Variants in DOCK3 observed in about 807,000 individuals in gnomAD.
DOCK3 encodes dedicator of cytokinesis 3.
DOCK3 carries 60 observed loss-of-function variants against 265.6 expected under a neutral mutation model. The observed-to-expected ratio is 0.23, with a 90% CI of 0.18 to 0.28. DOCK3 has a LOEUF of 0.28. Among genes scored for constraint, DOCK3 ranks in the 10% least tolerant of loss-of-function variants. DOCK3 has a pLI of 1.00. For synonymous variants in DOCK3, 881 were observed against 938.0 expected, an observed-to-expected ratio of 0.94 and a Z score of 1.11; for missense variants, 1,981 against 2,594.3, an observed-to-expected ratio of 0.76 and a Z score of 5.14.
At chr3:50,730,927 G>C (rs1191930081) in intron 1 of DOCK3, among the ~76,000 whole-genome samples, 2 of 151,888 alleles carry the variant, frequency 1.3e-5, no homozygotes, top group Admixed American at 6.6e-5. Flanking sequence ...CCAGGAGATC[G>C]AGACCATCCT....
At chr3:50,744,547 C>T (rs1404132728) in intron 1 of DOCK3, among the ~76,000 whole-genome samples, 1 of 151,976 alleles carries the variant, frequency 6.6e-6, no homozygotes, top group Non-Finnish European at 1.5e-5. Context: ...TTATCCTCCA[C>T]CTCAGTCTCC....
In DOCK3 at chr3:51,220,687, ATGTGTGTGTG is replaced by A. The variant is rs760900578; in HGVS notation, c.1253-4948_1253-4939del. Among the ~76,000 whole-genome samples, 9 of 67,590 alleles carry A rather than the reference ATGTGTGTGTG, an allele frequency of 1.3e-4. No homozygotes were observed. The East Asian group carries it at 3.6e-3, about 27-fold the overall frequency. 44.3% of individuals were successfully genotyped at this position (67,590 alleles called of 152,430 possible). ...AAAAAAAAAATATATATATATATAT[ATGTGTGTGTG>A]TGTGTGTGTGTGTATATATATATAT... On this transcript the variant is annotated intron_variant, in intron 14 of 52. Transcript: ENST00000266037.
chr3:50,718,857 T>A (rs2037295727), intron 1 of DOCK3, among the ~76,000 whole-genome samples: 1 of 149,764 alleles, frequency 6.7e-6, no homozygotes, highest in South Asian at 2.1e-4. Context: ...CGATCTCGGC[T>A]CACTTGTGCT....
intron 2 of DOCK3, among the ~76,000 whole-genome samples, chr3:50,792,864 A>T (rs2042551625): frequency 6.6e-6 from 1 of 152,188 alleles, no homozygotes; most frequent in Admixed American, 6.5e-5. Flanking sequence ...ACTGATGTTC[A>T]TTGAGGATAT....
At chr3:50,902,338 A>G (rs2049242763) in intron 4 of DOCK3, among the ~76,000 whole-genome samples, 1 of 152,164 alleles carries the variant, frequency 6.6e-6, no homozygotes, top group African/African-American at 2.4e-5. Context: ...TAAGTCTTTA[A>G]TCCATCTTGA....
At chr3:51,012,253 T>A (rs1339308617) in intron 5 of DOCK3, among the ~76,000 whole-genome samples, 2 of 151,884 alleles carry the variant, frequency 1.3e-5, no homozygotes, top group Non-Finnish European at 2.9e-5. Context: ...AGAGGTGGAG[T>A]CTACAGAGGC....
At chr3:50,728,177 A>G (rs1441023364) in intron 1 of DOCK3, among the ~76,000 whole-genome samples, 1 of 152,196 alleles carries the variant, frequency 6.6e-6, no homozygotes, top group Non-Finnish European at 1.5e-5. Flanking sequence ...ACTTCTAAGT[A>G]ACCCAGGGCC....
At chr3:51,009,574 G>T (rs2078855901) in intron 5 of DOCK3, among the ~76,000 whole-genome samples, 1 of 151,984 alleles carries the variant, frequency 6.6e-6, no homozygotes, top group Non-Finnish European at 1.5e-5. Flanking sequence ...ACCAGCTCCT[G>T]GATTCATTGA....
intron 3 of DOCK3, among the ~76,000 whole-genome samples, chr3:50,866,477 C>CTT (rs35832182): frequency 7.1e-6 from 1 of 141,496 alleles, no homozygotes; most frequent in Non-Finnish European, 1.5e-5. Context: ...AAGCGAGACT[C>CTT]TTTTTTTTTT....
intron 3 of DOCK3, among the ~76,000 whole-genome samples, chr3:50,879,180 A>G (rs2047889011): frequency 1.3e-5 from 2 of 152,262 alleles, no homozygotes; most frequent in South Asian, 4.1e-4. Context: ...AAACATGCCA[A>G]ATTGTAAAGA....
At chr3:51,365,282 A>C (rs1020849164) in intron 49 of DOCK3, among the ~76,000 whole-genome samples, 45 of 152,120 alleles carry the variant, frequency 3.0e-4, no homozygotes, top group African/African-American at 6.3e-4. Context: ...ATTTGGCTCT[A>C]TGTTTGTCTG....
At chr3:50,865,523 G>A (rs1206789301) in intron 3 of DOCK3, among the ~76,000 whole-genome samples, 11 of 152,146 alleles carry the variant, frequency 7.2e-5, no homozygotes, top group African/African-American at 2.7e-4. Context: ...TTGTATATGT[G>A]TACCACATTT....
intron 5 of DOCK3, among the ~76,000 whole-genome samples, chr3:50,996,094 G>A (rs1305547349): frequency 6.0e-5 from 9 of 151,162 alleles, no homozygotes; most frequent in South Asian, 2.1e-4. Context: ...GGCTGGTCTC[G>A]AACTCCTGAC....
At chr3:50,804,147 C>T (rs1306653522) in intron 2 of DOCK3, among the ~76,000 whole-genome samples, 7 of 148,854 alleles carry the variant, frequency 4.7e-5, no homozygotes, top group South Asian at 2.1e-4. Context: ...TGATGGGGGG[C>T]GGGGTAGAGG....
intron 5 of DOCK3, among the ~76,000 whole-genome samples, chr3:51,005,550 C>T (rs762374365): frequency 3.9e-5 from 6 of 152,136 alleles, no homozygotes; most frequent in Non-Finnish European, 7.3e-5. Context: ...AACAAAATTC[C>T]ATATTGTATC....
intron 21 of DOCK3, among the ~76,000 whole-genome samples, chr3:51,237,942 T>C (rs2108488170): frequency 6.6e-6 from 1 of 151,946 alleles, no homozygotes; most frequent in East Asian, 1.9e-4. Flanking sequence ...CTACTTTCTG[T>C]CTCTATGAAT....
At chr3:51,205,676 C>T (rs1243875733) in intron 12 of DOCK3, among the ~76,000 whole-genome samples, 3 of 152,058 alleles carry the variant, frequency 2.0e-5, no homozygotes, top group Non-Finnish European at 2.9e-5. Context: ...ACACTCCAGC[C>T]TGGGCGACAG....
At chr3:51,257,305 T>G (rs1173162750) in intron 22 of DOCK3, among the ~76,000 whole-genome samples, 1 of 152,214 alleles carries the variant, frequency 6.6e-6, no homozygotes, top group Non-Finnish European at 1.5e-5. Context: ...GGATGCATGC[T>G]CCTGGCCTGA....
intron 5 of DOCK3, among the ~76,000 whole-genome samples, chr3:50,961,955 C>T (rs562395659): frequency 1.3e-5 from 2 of 151,952 alleles, no homozygotes; most frequent in East Asian, 3.9e-4. Context: ...GTTCGTAGTA[C>T]ACAACTACTA....
Sources: gnomAD v4.1 joint callset for allele counts (sites outside exome capture counted in the v4.1 genomes callset) on GRCh38, gnomAD v4.1.1 for gene constraint, MANE v1.5 for transcripts, NCBI Gene and HGNC (gene_info 2026-07-23, HGNC 2026-07-21) for gene names.